MECOM: variants seen among roughly 807,000 people sequenced by gnomAD.
MECOM encodes MDS1 and EVI1 complex locus, also known as histone-lysine N-methyltransferase MECOM.
MECOM carries 13 observed loss-of-function variants against 116.3 expected under a neutral mutation model. The observed-to-expected ratio is 0.11, with a 90% CI of 0.07 to 0.18. MECOM has a LOEUF of 0.18. Among genes scored for constraint, MECOM ranks in the 10% least tolerant of loss-of-function variants. MECOM has a pLI of 1.00. For synonymous variants in MECOM, 528 were observed against 535.2 expected (o/e 0.99, Z 0.19); for missense variants, 1,299 against 1,509.0 (o/e 0.86, Z 2.31).
chr3:169,499,804 T>C (rs1754311834), intron 1 of MECOM, among the ~76,000 whole-genome samples: 1 of 152,078 alleles, frequency 6.6e-6, no homozygotes. Context: ...CTTGTCTTCC[T>C]AGGGAGGAGG....
At chr3:169,549,271 C>T (rs563807467) in intron 1 of MECOM, among the ~76,000 whole-genome samples, 15 of 152,090 alleles carry the variant, frequency 9.9e-5, no homozygotes, top group Non-Finnish European at 1.6e-4. Context: ...CGTGCCCGGC[C>T]GACACTTGTC....
At chr3:169,358,112 C>T (rs1034259525) in intron 2 of MECOM, among the ~76,000 whole-genome samples, 4 of 151,744 alleles carry the variant, frequency 2.6e-5, no homozygotes, top group African/African-American at 9.7e-5. Flanking sequence ...CTGGCAAATC[C>T]ACTACTGCAA....
chr3:169,661,313 C>CA (rs1396192630), intron 1 of MECOM, among the ~76,000 whole-genome samples: 2 of 146,452 alleles, frequency 1.4e-5, no homozygotes, highest in Admixed American at 6.7e-5. Flanking sequence ...ACTCCCCCCC[C>CA]CACACACACA....
chr3:169,418,220 G>A (rs1739060127), intron 1 of MECOM, among the ~76,000 whole-genome samples: 1 of 151,544 alleles, frequency 6.6e-6, no homozygotes, highest in African/African-American at 2.4e-5. Context: ...ATCCCTGAAT[G>A]CAGCAATAAC....
intron 2 of MECOM, among the ~76,000 whole-genome samples, chr3:169,352,861 A>C (rs537495508): frequency 1.9e-4 from 29 of 152,042 alleles, no homozygotes; most frequent in African/African-American, 6.5e-4. Context: ...CTAAGAAGAG[A>C]TGACAATTTC....
chr3:169,156,883 C>G (rs547964914), intron 2 of MECOM, among the ~76,000 whole-genome samples: 2 of 152,280 alleles, frequency 1.3e-5, no homozygotes, highest in South Asian at 4.1e-4. Flanking sequence ...TTTAAGAATT[C>G]ACCTTTTTTC....
intron 2 of MECOM, among the ~76,000 whole-genome samples, chr3:169,298,786 C>T (rs1056502183): frequency 1.3e-5 from 2 of 152,092 alleles, no homozygotes; most frequent in African/African-American, 2.4e-5. Flanking sequence ...CCTGTACGCA[C>T]GGGGAAGTGA....
At chr3:169,225,113 G>T (rs1303294329) in intron 2 of MECOM, among the ~76,000 whole-genome samples, 2 of 152,004 alleles carry the variant, frequency 1.3e-5, no homozygotes, top group African/African-American at 4.8e-5. Context: ...TGATCCAGAG[G>T]GCTCCAAAAT....
intron 1 of MECOM, among the ~76,000 whole-genome samples, chr3:169,641,707 T>C (rs897939977): frequency 6.6e-6 from 1 of 152,200 alleles, no homozygotes; most frequent in African/African-American, 2.4e-5. Flanking sequence ...AATATTCTCA[T>C]TCCCGCTTTA....
At chr3:169,380,232 T>C (rs2108271625) in intron 2 of MECOM, among the ~76,000 whole-genome samples, 1 of 152,298 alleles carries the variant, frequency 6.6e-6, no homozygotes, top group East Asian at 1.9e-4. Flanking sequence ...GATTTCTGTC[T>C]ACTGAAATGC....
At chr3:169,137,449 G>T (rs1345939121) in intron 3 of MECOM, among the ~76,000 whole-genome samples, 2 of 152,116 alleles carry the variant, frequency 1.3e-5, no homozygotes, top group African/African-American at 2.4e-5. Flanking sequence ...GAGGTAAAGA[G>T]AAGTGTCTTC....
chr3:169,209,291 A>G (rs1034638775), intron 2 of MECOM, among the ~76,000 whole-genome samples: 1 of 152,218 alleles, frequency 6.6e-6, no homozygotes, highest in African/African-American at 2.4e-5. Context: ...GGACATAGGC[A>G]TGGGCAAAGA....
intron 2 of MECOM, among the ~76,000 whole-genome samples, chr3:169,313,806 A>G (rs544003006): frequency 3.9e-5 from 6 of 152,324 alleles, no homozygotes; most frequent in African/African-American, 1.4e-4. Flanking sequence ...AGATCAAACT[A>G]GAGCTTGGGA....
At chr3:169,107,996 T>C (rs1341746527) in intron 9 of MECOM, 44 bp from the exon 10 acceptor site, 1 of 1,566,350 alleles carries the variant, frequency 6.4e-7, no homozygotes, top group East Asian at 2.2e-5. Context: ...ACTTCTGTGT[T>C]GGTATCTTTA....
intron 2 of MECOM, among the ~76,000 whole-genome samples, chr3:169,197,319 AAAAT>A (rs201717750): frequency 5.2e-5 from 7 of 135,726 alleles, no homozygotes; most frequent in Non-Finnish European, 9.2e-5. Flanking sequence ...CTAAAAATTA[AAAAT>A]AAATAAATAA....
chr3:169,657,397 AT>A (rs1206953744), intron 1 of MECOM, among the ~76,000 whole-genome samples: 1 of 152,182 alleles, frequency 6.6e-6, no homozygotes, highest in African/African-American at 2.4e-5. Context: ...CTGTTTGTTT[AT>A]TTTTTTAAAA....
At chr3:169,450,375 AG>A (rs1305819512) in intron 1 of MECOM, among the ~76,000 whole-genome samples, 6 of 152,120 alleles carry the variant, frequency 3.9e-5, no homozygotes, top group African/African-American at 1.4e-4. Flanking sequence ...TAATTAAAAA[AG>A]CTTCCAAAAG....
At chr3:169,220,502 T>G (rs1014042136) in intron 2 of MECOM, among the ~76,000 whole-genome samples, 1 of 151,974 alleles carries the variant, frequency 6.6e-6, no homozygotes, top group Non-Finnish European at 1.5e-5. Context: ...TGAGATGGAG[T>G]CTCCCTCTAT....
intron 1 of MECOM, among the ~76,000 whole-genome samples, chr3:169,660,716 G>C (rs1051840287): frequency 6.6e-6 from 1 of 152,190 alleles, no homozygotes; most frequent in Admixed American, 6.5e-5. Flanking sequence ...TGAAGTTTTC[G>C]TTGGATGATT....
Sources: gnomAD v4.1 joint callset for allele counts (sites outside exome capture counted in the v4.1 genomes callset) on GRCh38, gnomAD v4.1.1 for gene constraint, MANE v1.5 for transcripts, NCBI Gene and HGNC (gene_info 2026-07-23, HGNC 2026-07-21) for gene names.